Variants in SNX29 observed in about 807,000 individuals in gnomAD.
The protein encoded by SNX29 is sorting nexin 29, also known as sorting nexin-29.
Under a neutral mutation model 102.1 loss-of-function variants are expected in SNX29, and 78 were observed. The ratio of observed to expected loss-of-function variants is 0.76; its 90% confidence interval spans 0.64 to 0.92. The LOEUF (loss-of-function observed/expected upper bound fraction) is 0.92, where lower values mean the gene tolerates loss of function less well. Among genes scored for constraint, SNX29 ranks in the 40% least tolerant of loss-of-function variants. SNX29 has a pLI of 0.00. For synonymous variants in SNX29, 580 were observed against 414.5 expected, an observed-to-expected ratio of 1.40 and a Z score of -4.85; for missense variants, 1,280 against 1,061.7, an observed-to-expected ratio of 1.21 and a Z score of -2.86.
chr16:12,158,725 G>T (rs187166300), intron 13 of SNX29, among the ~76,000 whole-genome samples: 6 of 152,370 alleles, frequency 3.9e-5, no homozygotes, highest in Admixed American at 3.9e-4. Context: ...GGTAGCCCGA[G>T]TGGAACCCTG....
Position 12,100,397 on chromosome 16 carries a change from CG to C in SNX29, c.1402+21486del, listed in dbSNP as rs1452733557. On this transcript the variant is annotated intron_variant, in intron 11 of 20. Coordinates refer to ENST00000566228, the MANE Select transcript of SNX29 (RefSeq NM_032167.5). Reference sequence around the variant, plus strand: ...CAGTGCCCAGCGTCCTCCAGGGGAGCGGGGTAGGTAAAACTGCCCTTGGTTG... The same window carrying C: ...CAGTGCCCAGCGTCCTCCAGGGGAGCGGGTAGGTAAAACTGCCCTTGGTTG... Among the ~76,000 whole-genome samples the C allele has an allele frequency of 2.6e-5, 4 of 152,088 alleles. No individual in the cohort carries two copies. The East Asian group carries it at 7.7e-4, about 29-fold the overall frequency.
At chr16:12,546,020 A>G (rs151306314) in intron 20 of SNX29, among the ~76,000 whole-genome samples, 3 of 152,178 alleles carry the variant, frequency 2.0e-5, no homozygotes, top group East Asian at 3.9e-4. Flanking sequence ...CAGAAAACAA[A>G]AAAACCCACA....
rs539119510 is a variant in SNX29 at position 12,481,792 on chromosome 16, C to A, written c.2178+3933C>A. Among the ~76,000 whole-genome samples, 5 of 152,334 alleles carry A rather than the reference C, an allele frequency of 3.3e-5. No individual in the cohort carries two copies. In the East Asian group the frequency reaches 9.6e-4, roughly 29 times the overall value. The stretch of plus-strand genomic sequence containing the variant: ...TCAAGTGATCCTCCCACCTCGGCCT[C>A]ACAAAGTGCTGGGATTACAGGTGTG... On this transcript the variant is annotated intron_variant, in intron 19 of 20. Coordinates refer to ENST00000566228, the MANE Select transcript of SNX29 (RefSeq NM_032167.5).
intron 13 of SNX29, among the ~76,000 whole-genome samples, chr16:12,131,560 G>A (rs1205941268): frequency 2.0e-5 from 3 of 152,106 alleles, no homozygotes; most frequent in Non-Finnish European, 2.9e-5. Flanking sequence ...ATATTAAATT[G>A]CCCATTCCAG....
chr16:12,159,886 A>G (rs2055710073), intron 13 of SNX29, among the ~76,000 whole-genome samples: 1 of 152,020 alleles, frequency 6.6e-6, no homozygotes, highest in Non-Finnish European at 1.5e-5. Flanking sequence ...CTAATCAATC[A>G]CTGCACTCTT....
Position 12,098,362 on chromosome 16 carries a change from C to T in SNX29, c.1402+19447C>T, listed in dbSNP as rs2052857979. 6.6e-6 allele frequency among the ~76,000 whole-genome samples: 1 copy of T among 152,226 alleles called. No homozygotes were observed. Among genetic ancestry groups the T allele is most frequent in the Non-Finnish European group, 1.5e-5 (1 of 68,034 alleles). ...CCACTCCCACATCAGCCACCTTGCT[C>T]CCCGTCCAGGACTCTAACCATTGGA... On this transcript the variant is annotated intron_variant, in intron 11 of 20. Coordinates refer to ENST00000566228, the MANE Select transcript of SNX29 (RefSeq NM_032167.5). The surrounding 1 kb of genome is among the most constrained non-coding windows in gnomAD (Gnocchi z 6.0).
chr16:12,140,793 T>G (rs546175236), intron 13 of SNX29, among the ~76,000 whole-genome samples: 1 of 152,344 alleles, frequency 6.6e-6, no homozygotes, highest in Non-Finnish European at 1.5e-5. Flanking sequence ...CTGACATTAT[T>G]AGCAAACCGC....
chr16:12,573,192 C>T lies in SNX29; in HGVS notation c.*4563C>T, dbSNP rs1034176896. 1 of 226,388 alleles carries T rather than the reference C, an allele frequency of 4.4e-6. No homozygotes were observed. Among genetic ancestry groups the T allele is most frequent in the South Asian group, 1.8e-4 (1 of 5,456 alleles). The allele number at this position is 226,388 out of a possible 1,614,324, so 14.0% of individuals were successfully genotyped here. A position where few individuals can be genotyped will look rare whatever the true frequency, so the allele number is the denominator to read the frequency against. The stretch of plus-strand genomic sequence containing the variant: ...GTAAGGGTGTAGCCATCCAGGGTCT[C>T]CCGGCTCTAGGCAGACCGGATCCCG... On this transcript the variant is annotated 3_prime_UTR_variant, in exon 21 of 21. Transcript: ENST00000566228.
chr16:12,316,266 C>T (rs536557898), intron 15 of SNX29, among the ~76,000 whole-genome samples: 1 of 152,278 alleles, frequency 6.6e-6, no homozygotes, highest in East Asian at 1.9e-4. Flanking sequence ...GCATCAGATT[C>T]AAAAGGCCTC....
chr16:12,310,813 T>A (rs910732945), intron 15 of SNX29, among the ~76,000 whole-genome samples: 3 of 151,446 alleles, frequency 2.0e-5, no homozygotes, highest in African/African-American at 7.3e-5. Flanking sequence ...AAAAAAAAAA[T>A]AAAGGCAAGG....
Position 12,572,589 on chromosome 16 carries a change from C to T in SNX29, c.*3960C>T. The T allele has an allele frequency of 9.4e-7, 1 of 1,064,080 alleles. No homozygotes were observed. Among genetic ancestry groups the T allele is most frequent in the Non-Finnish European group, 1.1e-6 (1 of 878,444 alleles). 65.9% of individuals were successfully genotyped at this position (1,064,080 alleles called of 1,614,324 possible). ...GAGGTCCAGCCATGTTCTCTGGGCT[C>T]CCAGTGAGCCCCCTCCCCTCCGGCT... On this transcript the variant is annotated 3_prime_UTR_variant, in exon 21 of 21. Transcript: ENST00000566228.
At chr16:12,551,124 C>G (rs770738021) in intron 20 of SNX29, among the ~76,000 whole-genome samples, 10 of 152,074 alleles carry the variant, frequency 6.6e-5, no homozygotes, top group African/African-American at 2.2e-4. Context: ...AATAATGGAA[C>G]AGTGGTCCAC....
intron 14 of SNX29, among the ~76,000 whole-genome samples, chr16:12,236,912 C>T (rs1215032330): frequency 2.0e-5 from 3 of 152,136 alleles, no homozygotes; most frequent in South Asian, 4.1e-4. Flanking sequence ...GTCAGCAAGT[C>T]GGTGCTGCAT....
chr16:12,182,537 C>T (rs1376617101), intron 13 of SNX29, among the ~76,000 whole-genome samples: 1 of 152,094 alleles, frequency 6.6e-6, no homozygotes, highest in Admixed American at 6.6e-5. Flanking sequence ...ATAGTGATTC[C>T]TTCAGCACTC....
intron 14 of SNX29, among the ~76,000 whole-genome samples, chr16:12,224,769 C>G (rs1261247572): frequency 2.0e-5 from 3 of 152,148 alleles, no homozygotes; most frequent in African/African-American, 4.8e-5. Flanking sequence ...TCCACCAAGA[C>G]AAGCCTGATG....
chr16:12,296,669 C>G, intron 15 of SNX29, among the ~76,000 whole-genome samples: 1 of 29,086 alleles, frequency 3.4e-5, no homozygotes, highest in East Asian at 3.5e-3. Context: ...AGGTACTTCT[C>G]CTACTTAGTG....
chr16:12,274,906 G>A (rs1056093944), intron 14 of SNX29, among the ~76,000 whole-genome samples: 5 of 151,798 alleles, frequency 3.3e-5, no homozygotes, highest in African/African-American at 1.2e-4. Flanking sequence ...AAATATCTCC[G>A]TATTCTTATT....
intron 13 of SNX29, among the ~76,000 whole-genome samples, chr16:12,150,616 C>A (rs554880244): frequency 6.6e-6 from 1 of 152,162 alleles, no homozygotes; most frequent in Non-Finnish European, 1.5e-5. Context: ...CCAGGAACAG[C>A]GTCTAATGAG....
chr16:12,443,776 A>T (rs2151682768), intron 18 of SNX29, among the ~76,000 whole-genome samples: 1 of 152,358 alleles, frequency 6.6e-6, no homozygotes, highest in East Asian at 1.9e-4. Context: ...AGCCAGTCCA[A>T]ACTCTGCCGG....
Sources: gnomAD v4.1 joint callset for allele counts (sites outside exome capture counted in the v4.1 genomes callset) on GRCh38, gnomAD v4.1.1 for gene constraint, Gnocchi (gnomAD v3.1) non-coding constraint, MANE v1.5 for transcripts, NCBI Gene and HGNC (gene_info 2026-07-23, HGNC 2026-07-21) for gene names.